Variants in NRXN3 observed in about 807,000 individuals in gnomAD.
NRXN3 encodes neurexin III.
NRXN3 carries 32 observed loss-of-function variants against 137.6 expected under a neutral mutation model. The ratio of observed to expected loss-of-function variants is 0.23; its 90% confidence interval spans 0.18 to 0.31. The LOEUF is 0.31. Ranked by LOEUF, NRXN3 falls within the 10% of genes least tolerant of loss-of-function variation. The pLI, the probability that NRXN3 is intolerant of heterozygous loss-of-function variation, is 1.00. For synonymous variants in NRXN3, 798 were observed against 784.5 expected (o/e 1.02, Z -0.29); for missense variants, 1,574 against 2,062.5 (o/e 0.76, Z 4.59).
In NRXN3 at chr14:78,693,376, G is replaced by A. The variant is rs148040006; in HGVS notation, c.1222-15841G>A. ...GGATTTTTTGGTAATACTTATACAC[G>A]GTTGCCATGTAGTTCTCATAAAACT... On this transcript the variant is annotated intron_variant, in intron 6 of 20. Coordinates refer to ENST00000335750, the MANE Select transcript of NRXN3 (RefSeq NM_001330195.2). 1.6e-3 allele frequency among the ~76,000 whole-genome samples: 241 copies of A among 151,780 alleles called. 2 individuals are homozygous for A. Among genetic ancestry groups the A allele is most frequent in the African/African-American group, 5.5e-3 (227 of 41,366 alleles).
intron 14 of NRXN3, among the ~76,000 whole-genome samples, chr14:78,976,532 T>C (rs2099467038): frequency 2.0e-5 from 3 of 152,188 alleles, no homozygotes; most frequent in Non-Finnish European, 4.4e-5. Flanking sequence ...ATTCCCCAAC[T>C]GTCTTTACTA....
intron 16 of NRXN3, among the ~76,000 whole-genome samples, chr14:79,510,049 A>T (rs892065844): frequency 1.3e-5 from 2 of 152,194 alleles, no homozygotes; most frequent in African/African-American, 4.8e-5. Context: ...GTCCTCAGGG[A>T]ACTGTAAAAC....
At chr14:78,526,672 G>A in intron 4 of NRXN3, 1 of 479,202 alleles carries the variant, frequency 2.1e-6, no homozygotes, top group Non-Finnish European at 4.2e-6. Flanking sequence ...ATGCTTACTT[G>A]TGCACCGTGC....
intron 16 of NRXN3, among the ~76,000 whole-genome samples, chr14:79,491,090 T>C (rs1209402272): frequency 6.6e-6 from 1 of 152,086 alleles, no homozygotes; most frequent in Non-Finnish European, 1.5e-5. Context: ...GTGTGTTTTG[T>C]TCTGTTTTTT....
At chr14:78,838,731 T>A (rs1182789403) in intron 10 of NRXN3, among the ~76,000 whole-genome samples, 1 of 152,124 alleles carries the variant, frequency 6.6e-6, no homozygotes, top group East Asian at 1.9e-4. Flanking sequence ...AGTTTAAAGG[T>A]CAAATCCTCT....
At chr14:79,434,416 G>C (rs554566918) in intron 15 of NRXN3, among the ~76,000 whole-genome samples, 1 of 152,234 alleles carries the variant, frequency 6.6e-6, no homozygotes, top group South Asian at 2.1e-4. Flanking sequence ...CATGTTTTCT[G>C]TCTCTTCATG....
intron 15 of NRXN3, among the ~76,000 whole-genome samples, chr14:79,182,650 G>T (rs1034733348): frequency 2.0e-5 from 3 of 152,146 alleles, no homozygotes; most frequent in African/African-American, 7.2e-5. Context: ...TGTGGCCCCA[G>T]TTTCTAACGG....
chr14:79,722,568 C>A (rs2098848397), intron 19 of NRXN3, among the ~76,000 whole-genome samples: 1 of 152,056 alleles, frequency 6.6e-6, no homozygotes, highest in South Asian at 2.1e-4. Flanking sequence ...CATTTCTTTG[C>A]CACTCTTTGT....
At chr14:78,609,334 G>C (rs2097280053) in intron 4 of NRXN3, among the ~76,000 whole-genome samples, 1 of 152,106 alleles carries the variant, frequency 6.6e-6, no homozygotes, top group African/African-American at 2.4e-5. Flanking sequence ...GTAAACTTAG[G>C]AAAGTAAAGC....
intron 4 of NRXN3, among the ~76,000 whole-genome samples, chr14:78,450,560 T>G (rs2094527768): frequency 6.6e-6 from 1 of 152,102 alleles, no homozygotes; most frequent in African/African-American, 2.4e-5. Flanking sequence ...TGGAGCCCGG[T>G]GGAATCCACA....
intron 15 of NRXN3, among the ~76,000 whole-genome samples, chr14:79,078,565 A>G (rs1006915124): frequency 9.2e-5 from 14 of 152,180 alleles, no homozygotes; most frequent in African/African-American, 2.9e-4. Flanking sequence ...TACACTTTTT[A>G]AAAAGGTAGA....
intron 15 of NRXN3, among the ~76,000 whole-genome samples, chr14:79,440,976 A>G (rs1453913168): frequency 1.3e-5 from 2 of 152,182 alleles, no homozygotes; most frequent in Admixed American, 6.5e-5. Context: ...CAAGTCGCAT[A>G]AGAAAATGAA....
intron 16 of NRXN3, among the ~76,000 whole-genome samples, chr14:79,622,682 C>T (rs1428083953): frequency 3.3e-5 from 5 of 152,052 alleles, no homozygotes; most frequent in Admixed American, 2.6e-4. Flanking sequence ...CTGCAACCTC[C>T]GCCTCCCAGG....
rs114454925 is a variant in NRXN3 at position 79,549,932 on chromosome 14, T to C, written c.3444+82530T>C. Among the ~76,000 whole-genome samples, 1,240 of 151,504 alleles carry C rather than the reference T, an allele frequency of 8.2e-3. 9 individuals carry two copies. Among genetic ancestry groups the C allele is most frequent in the African/African-American group, 0.029 (1,191 of 41,304 alleles). On this transcript the variant is annotated intron_variant, in intron 16 of 20. Coordinates refer to ENST00000335750, the MANE Select transcript of NRXN3 (RefSeq NM_001330195.2). ...TTAGTTGCTCTGTGACATCCTGACTTCCTACAGGTTACTTCTCATATTGTT... is the reference window on the plus strand; with the variant it reads ...TTAGTTGCTCTGTGACATCCTGACTCCCTACAGGTTACTTCTCATATTGTT...
Position 79,740,708 on chromosome 14 carries a change from TTTTTTATATA to T in NRXN3, c.4014+42773_4014+42782del, listed in dbSNP as rs1451168322. ...CCTTTCCACTGGACTTTGCATTTAG[TTTTTTATATA>T]TATATATATATATATATATATATAT... On this transcript the variant is annotated intron_variant, in intron 19 of 20. Coordinates refer to ENST00000335750, the MANE Select transcript of NRXN3 (RefSeq NM_001330195.2). Among the ~76,000 whole-genome samples, 50 of 35,154 alleles carry T rather than the reference TTTTTTATATA, an allele frequency of 1.4e-3. 2 individuals carry two copies. Among genetic ancestry groups the T allele is most frequent in the African/African-American group, 6.1e-3 (48 of 7,930 alleles). The allele number at this position is 35,154 out of a possible 152,430, so 23.1% of individuals were successfully genotyped here.
At chr14:78,209,170 G>C (rs746694278) in intron 1 of NRXN3, among the ~76,000 whole-genome samples, 2 of 152,172 alleles carry the variant, frequency 1.3e-5, no homozygotes, top group Admixed American at 1.3e-4. Flanking sequence ...AGGTGTGAAG[G>C]CTTGCTTGGG....
At chr14:79,034,711 G>A (rs1465275472) in intron 15 of NRXN3, among the ~76,000 whole-genome samples, 3 of 152,054 alleles carry the variant, frequency 2.0e-5, no homozygotes, top group Non-Finnish European at 4.4e-5. Flanking sequence ...TTTCTGTGGG[G>A]TTTAAGAGTA....
intron 15 of NRXN3, among the ~76,000 whole-genome samples, chr14:79,410,995 C>T (rs1221340053): frequency 6.6e-6 from 1 of 152,050 alleles, no homozygotes; most frequent in Non-Finnish European, 1.5e-5. Flanking sequence ...TGCATTTACT[C>T]AGGGCTACCC....
In NRXN3 at chr14:78,243,904, C is replaced by A; in HGVS notation, c.709+102C>A. On this transcript the variant is annotated intron_variant, in intron 2 of 20. Coordinates refer to ENST00000335750, the MANE Select transcript of NRXN3 (RefSeq NM_001330195.2). The surrounding 1 kb of genome is among the most constrained non-coding windows in gnomAD (Gnocchi z 4.2). ...CTATATGGATGCATATCTTTAGCTG[C>A]ATGTTAGATCACTGGGCCCCTTGCC... The A allele has an allele frequency of 1.2e-6, 1 of 834,526 alleles. No homozygotes were observed. Among genetic ancestry groups the A allele is most frequent in the Non-Finnish European group, 1.9e-6 (1 of 537,398 alleles). 51.7% of individuals were successfully genotyped at this position (834,526 alleles called of 1,614,324 possible). A position where few individuals can be genotyped will look rare whatever the true frequency, so the allele number is the denominator to read the frequency against.
Sources: allele counts gnomAD v4.1 joint callset (sites outside exome capture counted in the v4.1 genomes callset), GRCh38; gene constraint gnomAD v4.1.1; non-coding constraint Gnocchi (gnomAD v3.1); transcripts MANE v1.5; gene names NCBI Gene and HGNC (gene_info 2026-07-23, HGNC 2026-07-21).